The following ARHGAP29 variants were observed in gnomAD, a reference collection of about 807,000 sequenced individuals.
ARHGAP29 encodes Rho GTPase activating protein 29.
A neutral mutation model predicts 122.6 loss-of-function variants in ARHGAP29; 43 were observed. The ratio of observed to expected loss-of-function variants is 0.35; its 90% CI spans 0.27 to 0.45. The LOEUF is 0.45. Among genes scored for constraint, ARHGAP29 ranks in the 20% least tolerant of loss-of-function variants. The probability of loss-of-function intolerance (pLI) is 1.00; values close to 1 mark genes in which losing one functional copy is unlikely to be tolerated. For synonymous variants in ARHGAP29, 506 were observed against 497.1 expected, an observed-to-expected ratio of 1.02 and a Z score of -0.24; for missense variants, 1,303 against 1,477.2, an observed-to-expected ratio of 0.88 and a Z score of 1.93.
chr1:94,304,268 T>G, the ARHGAP29 span, among the ~76,000 whole-genome samples: 3 of 152,308 alleles, frequency 2.0e-5, no homozygotes, highest in East Asian at 5.8e-4. Flanking sequence ...GCCTCCTGAG[T>G]ATCTGGGACT....
intron 2 of ARHGAP29, among the ~76,000 whole-genome samples, chr1:94,226,957 G>T (rs531838474): frequency 2.6e-5 from 4 of 152,016 alleles, no homozygotes; most frequent in African/African-American, 9.6e-5. Flanking sequence ...GGCATCAATG[G>T]TAAAAGTAAC....
upstream of ARHGAP29, among the ~76,000 whole-genome samples, chr1:94,242,580 A>C (rs1653635800): frequency 6.6e-6 from 1 of 150,594 alleles, no homozygotes; most frequent in Non-Finnish European, 1.5e-5. Flanking sequence ...AAAGTTAATT[A>C]AGCCAATAGT....
At chr1:94,184,806 T>C in intron 18 of ARHGAP29, 66 bp downstream of exon 18, 1 of 1,285,836 alleles carries the variant, frequency 7.8e-7, no homozygotes, top group Middle Eastern at 2.7e-4. Flanking sequence ...CTTTAAAGTC[T>C]CCTTTTCATT....
Position 94,254,250 on chromosome 1 carries a change from A to T in ARHGAP29, c.-33+20762T>A, listed in dbSNP as rs1435883593. 2.0e-5 allele frequency among the ~76,000 whole-genome samples: 3 copies of T among 152,168 alleles called. No homozygotes were observed. In the East Asian group the frequency reaches 5.8e-4, roughly 29 times the overall value. On this transcript the variant is annotated intron_variant and NMD_transcript_variant, in intron 1 of 25. Transcript: ENST00000552844. ...CCTTATTCTTCTTGATGACGTATTT[A>T]GTTTAGGATACTCATGAATGCAATT... is the stretch of plus-strand genomic sequence containing the variant.
At chr1:94,252,952 G>C (rs931262149) in intron 1 of ARHGAP29, among the ~76,000 whole-genome samples, 10 of 151,946 alleles carry the variant, frequency 6.6e-5, no homozygotes, top group Admixed American at 6.6e-4. Context: ...AGGGATCTTA[G>C]AGCTTATTCA....
chr1:94,203,488 A>G (rs1164799824), intron 8 of ARHGAP29, among the ~76,000 whole-genome samples: 1 of 152,152 alleles, frequency 6.6e-6, no homozygotes, highest in Non-Finnish European at 1.5e-5. Flanking sequence ...TAATCCCAAT[A>G]CTCTGGGAGG....
chr1:94,307,140 T>A, the ARHGAP29 span, among the ~76,000 whole-genome samples: 1 of 152,208 alleles, frequency 6.6e-6, no homozygotes, highest in South Asian at 2.1e-4. Context: ...GCTATGCTTG[T>A]CTTGCCAAAC....
Position 94,177,840 on chromosome 1 carries a change from G to T in ARHGAP29, c.2796+12C>A. 1 of 1,598,824 alleles carries T rather than the reference G, an allele frequency of 6.3e-7. No individual in the cohort carries two copies. The highest frequency in any genetic ancestry group is 1.1e-5 in the South Asian group (1 of 88,054). ...CAAAGTTCTAATATAATTCTATAAA[G>T]GTCAAACTCACTTCCTTTGAAGAAA... On this transcript the variant is annotated intron_variant, in intron 21 of 22. Transcript: ENST00000260526.
At chr1:94,237,270 A>C in intron 1 of ARHGAP29, 145 bp downstream of exon 1, 1 of 509,762 alleles carries the variant, frequency 2.0e-6, no homozygotes, top group Non-Finnish European at 2.5e-6. Context: ...ACCCGTCCCT[A>C]GCGCAGCCTG....
intron 3 of ARHGAP29, among the ~76,000 whole-genome samples, chr1:94,217,149 AG>A (rs1557868621): frequency 6.6e-6 from 1 of 152,190 alleles, no homozygotes; most frequent in Non-Finnish European, 1.5e-5. Flanking sequence ...ATTGTTTGGT[AG>A]ATTTGAAAAA....
At chr1:94,283,315 G>T in the ARHGAP29 span, among the ~76,000 whole-genome samples, 1 of 152,082 alleles carries the variant, frequency 6.6e-6, no homozygotes, top group African/African-American at 2.4e-5. Context: ...GGGGTAACCT[G>T]GTTACCATGC....
chr1:94,258,394 AT>A (rs1333160785), intron 1 of ARHGAP29, among the ~76,000 whole-genome samples: 13 of 152,230 alleles, frequency 8.5e-5, no homozygotes, highest in African/African-American at 2.9e-4. Context: ...TAAATTCCAA[AT>A]TTTTAAAATT....
intron 12 of ARHGAP29, chr1:94,190,450 G>A (rs956792658): frequency 6.1e-6 from 1 of 163,394 alleles, no homozygotes; most frequent in African/African-American, 2.4e-5. Context: ...GAAAAACATG[G>A]GGAAAACACT....
rs1487831113 is a variant in ARHGAP29, at chr1:94,231,653, G to A, written c.-32-10C>T. 2.6e-5 allele frequency: 41 copies of A among 1,574,508 alleles called. No homozygotes were observed. The highest frequency in any genetic ancestry group is 3.4e-5 in the Non-Finnish European group (40 of 1,160,678). The stretch of plus-strand genomic sequence containing the variant: ...CAGAAAAACTGAAATCCTTAAGGGG[G>A]CAAGAAACAAAACAAAAACAAGCGA... On this transcript the variant is annotated splice_polypyrimidine_tract_variant and intron_variant, in intron 1 of 22. Transcript: ENST00000260526.
Position 94,178,183 on chromosome 1 carries a change from C to G in ARHGAP29, c.2481-16G>C. On this transcript the variant is annotated splice_polypyrimidine_tract_variant and intron_variant, in intron 20 of 22. Coordinates refer to ENST00000260526, the MANE Select transcript of ARHGAP29 (RefSeq NM_004815.4). ...ATCTACTACCCTGCAAAGTAGAACA[C>G]ATAAAGTTGTATGAGATTTTCCTAT... 1 of 1,593,480 alleles carries G rather than the reference C, an allele frequency of 6.3e-7. No homozygotes were observed. The highest frequency in any genetic ancestry group is 1.3e-5 in the African/African-American group (1 of 74,076).
rs115058767 is a variant in ARHGAP29, at chr1:94,237,121, G to C, written c.-33+294C>G. On this transcript the variant is annotated intron_variant, in intron 1 of 22. Transcript: ENST00000260526. ...GGCGGACCCGTTGTACGCGCTGTGT[G>C]CTAACTTTAATTACGATCGTCACCG... 3.0e-3 allele frequency among the ~76,000 whole-genome samples: 462 copies of C among 152,340 alleles called. 3 individuals carry two copies. The highest frequency in any genetic ancestry group is 4.7e-3 in the Non-Finnish European group (320 of 68,028).
chr1:94,178,847 C>T (rs1162890992), intron 20 of ARHGAP29, among the ~76,000 whole-genome samples: 4 of 152,180 alleles, frequency 2.6e-5, no homozygotes, highest in Non-Finnish European at 5.9e-5. Context: ...TGCTGTATTG[C>T]AGCCTAACCA....
At position 94,201,817 on chromosome 1, in the gene ARHGAP29, T is replaced by C; in HGVS notation, c.1184A>G (p.Asn395Ser). The C allele has an allele frequency of 1.9e-6, 3 of 1,613,154 alleles. No individual in the cohort carries two copies. Among genetic ancestry groups the C allele is most frequent in the Non-Finnish European group, 2.5e-6 (3 of 1,179,584 alleles). ...ANELYKVCVT[N>S]VEERRNDLEN... Reference sequence around the variant, plus strand: ...TAGATCATTTCTTCTTTCTTCAACATTTGTCACACAAACTTTGTAAAGTTC... The same window carrying C: ...TAGATCATTTCTTCTTTCTTCAACACTTGTCACACAAACTTTGTAAAGTTC... The change falls in exon 12 of 23, where the codon AAT becomes AGT. Residue 395 changes from asparagine to serine, a missense_variant. Physicochemically the swap from Asn to Ser is conservative, Grantham distance 46. This residue lies in a region of ARHGAP29 where 592 missense variants were observed against 648.2 expected (regional missense o/e 0.91). Transcript: ENST00000260526.
At chr1:94,231,676 C>A (rs920777876) in intron 1 of ARHGAP29, 33 bp from the exon 2 acceptor site, 2 of 1,494,300 alleles carry the variant, frequency 1.3e-6, no homozygotes, top group Admixed American at 2.1e-5. Context: ...CAAAAACAAG[C>A]GAGGAGAGAG....
Sources: allele counts gnomAD v4.1 joint callset (sites outside exome capture counted in the v4.1 genomes callset), GRCh38; gene constraint gnomAD v4.1.1; regional missense constraint gnomAD v4.1.1; transcripts MANE v1.5; gene names NCBI Gene and HGNC (gene_info 2026-07-23, HGNC 2026-07-21).